The following TRPC7 variants were observed in gnomAD, a reference collection of about 807,000 sequenced individuals.
The protein encoded by TRPC7 is transient receptor potential cation channel subfamily C member 7.
In TRPC7, 42 loss-of-function variants were observed where a neutral mutation model predicts 90.1. The observed-to-expected ratio is 0.47, with a 90% CI of 0.36 to 0.60. The LOEUF (loss-of-function observed/expected upper bound fraction) is 0.60. Ranked by LOEUF, TRPC7 falls within the 20% of genes least tolerant of loss-of-function variation. TRPC7 has a pLI of 0.00. For missense variants in TRPC7, 955 were observed against 1,112.3 expected (o/e 0.86, Z 2.01); for synonymous variants, 451 against 436.3 (o/e 1.03, Z -0.42).
intron 6 of TRPC7, among the ~76,000 whole-genome samples, chr5:136,248,674 T>G (rs1373644746): frequency 6.6e-6 from 1 of 152,206 alleles, no homozygotes; most frequent in African/African-American, 2.4e-5. Flanking sequence ...GGACTGATCC[T>G]GAGCTGGGAA....
chr5:136,340,679 A>G (rs1442782576), intron 2 of TRPC7, among the ~76,000 whole-genome samples: 1 of 152,142 alleles, frequency 6.6e-6, no homozygotes, highest in South Asian at 2.1e-4. Flanking sequence ...ATTTGAATAA[A>G]TTTTCCGTTC....
chr5:136,340,109 A>G (rs956085397), intron 2 of TRPC7, among the ~76,000 whole-genome samples: 4 of 152,240 alleles, frequency 2.6e-5, no homozygotes, highest in African/African-American at 9.6e-5. Context: ...AAAATGTGGT[A>G]TATATACACA....
At chr5:136,218,026 A>G (rs1004185846) in intron 10 of TRPC7, among the ~76,000 whole-genome samples, 7 of 145,492 alleles carry the variant, frequency 4.8e-5, no homozygotes, top group African/African-American at 1.7e-4. Flanking sequence ...TCAAAAAAAA[A>G]AAAAAGAAAA....
At chr5:136,336,621 T>TCTAATATAAAATA (rs1411955641) in intron 2 of TRPC7, among the ~76,000 whole-genome samples, 1 of 152,076 alleles carries the variant, frequency 6.6e-6, no homozygotes, top group Admixed American at 6.5e-5. Flanking sequence ...TAACTCATCA[T>TCTAATATAAAATA]TTATATTAGA....
intron 2 of TRPC7, among the ~76,000 whole-genome samples, chr5:136,334,179 A>G (rs1046172844): frequency 1.3e-5 from 2 of 152,218 alleles, no homozygotes; most frequent in Non-Finnish European, 2.9e-5. Flanking sequence ...ATCATCAGAT[A>G]ACATGCCCTT....
intron 2 of TRPC7, among the ~76,000 whole-genome samples, chr5:136,353,158 C>T (rs1425158799): frequency 6.6e-6 from 1 of 152,116 alleles, no homozygotes; most frequent in African/African-American, 2.4e-5. Flanking sequence ...ACATGATTTC[C>T]ACACCAAAAA....
intron 5 of TRPC7, among the ~76,000 whole-genome samples, chr5:136,258,946 A>G (rs1261967681): frequency 6.6e-6 from 1 of 152,204 alleles, no homozygotes; most frequent in East Asian, 1.9e-4. Context: ...ACATCAAAAC[A>G]CTATCTCAAC....
chr5:136,216,121 A>T (rs1580828078), intron 11 of TRPC7, 79 bp downstream of exon 11: 3 of 1,196,336 alleles, frequency 2.5e-6, no homozygotes, highest in Non-Finnish European at 2.4e-6. Flanking sequence ...CCCTGACAAC[A>T]CTGTGGCCGT....
At chr5:136,236,116 C>T (rs1463925978) in intron 7 of TRPC7, among the ~76,000 whole-genome samples, 1 of 152,238 alleles carries the variant, frequency 6.6e-6, no homozygotes, top group Non-Finnish European at 1.5e-5. Flanking sequence ...ATTTATTGAA[C>T]TATGTGCCAG....
At chr5:136,291,608 T>A (rs1334671469) in intron 3 of TRPC7, among the ~76,000 whole-genome samples, 1 of 152,162 alleles carries the variant, frequency 6.6e-6, no homozygotes, top group Non-Finnish European at 1.5e-5. Flanking sequence ...TAAATATATA[T>A]GCACCCAATA....
intron 8 of TRPC7, among the ~76,000 whole-genome samples, chr5:136,229,853 C>A (rs997809380): frequency 6.6e-6 from 1 of 151,850 alleles, no homozygotes; most frequent in Non-Finnish European, 1.5e-5. Context: ...CATTTCAGAT[C>A]TTCTCTCCTT....
chr5:136,327,526 G>C (rs1158314716), intron 2 of TRPC7, among the ~76,000 whole-genome samples: 2 of 152,136 alleles, frequency 1.3e-5, no homozygotes, highest in African/African-American at 4.8e-5. Context: ...TTGCTGAGGA[G>C]GGACTGTGAC....
chr5:136,297,758 T>G (rs990026797), intron 3 of TRPC7, among the ~76,000 whole-genome samples: 2 of 152,198 alleles, frequency 1.3e-5, no homozygotes, highest in Admixed American at 1.3e-4. Flanking sequence ...ACGGACTCAG[T>G]GACAATAGTC....
chr5:136,220,300 C>T (rs1317226340), intron 10 of TRPC7, among the ~76,000 whole-genome samples: 3 of 152,202 alleles, frequency 2.0e-5, no homozygotes, highest in Non-Finnish European at 2.9e-5. Flanking sequence ...TTTCTTCTTG[C>T]AGAGAGTCTA....
intron 3 of TRPC7, among the ~76,000 whole-genome samples, chr5:136,313,960 G>A (rs1421758047): frequency 2.6e-5 from 4 of 152,198 alleles, no homozygotes; most frequent in Non-Finnish European, 5.9e-5. Context: ...TAGTTATCAG[G>A]TGGGGGCCAG....
chr5:136,234,997 A>AT (rs1214786043), intron 7 of TRPC7, among the ~76,000 whole-genome samples: 4 of 152,324 alleles, frequency 2.6e-5, no homozygotes, highest in Admixed American at 2.0e-4. Flanking sequence ...TAAAAAAAAA[A>AT]TTCATGGTAA....
chr5:136,305,388 C>G (rs1256519696), intron 3 of TRPC7, among the ~76,000 whole-genome samples: 1 of 152,188 alleles, frequency 6.6e-6, no homozygotes. Flanking sequence ...CCTCTCATTT[C>G]CTTTCCATTG....
chr5:136,319,461 CTT>C (rs564588409), intron 2 of TRPC7, among the ~76,000 whole-genome samples: 166 of 152,276 alleles, frequency 1.1e-3, no homozygotes, highest in African/African-American at 3.9e-3. Context: ...TGTTGTTTCT[CTT>C]GTTTTAAAAA....
In TRPC7 at chr5:136,213,220, C is replaced by A. The variant is rs1755149997; in HGVS notation, c.*215G>T. On this transcript the variant is annotated 3_prime_UTR_variant, in exon 12 of 12. Coordinates refer to ENST00000513104, the MANE Select transcript of TRPC7 (RefSeq NM_020389.3). ...TGTTCCTCCCCTCCTCCCATGGTAG[C>A]TTTTCTTACCCAACCACCTAGATTC... The A allele has an allele frequency of 1.8e-6, 1 of 564,570 alleles. No homozygotes were observed. The allele number at this position is 564,570 out of a possible 1,614,324, so 35.0% of individuals were successfully genotyped here. A position where few individuals can be genotyped will look rare whatever the true frequency, so the allele number is the denominator to read the frequency against.
Sources: gnomAD v4.1 joint callset for allele counts (sites outside exome capture counted in the v4.1 genomes callset) on GRCh38, gnomAD v4.1.1 for gene constraint, MANE v1.5 for transcripts, NCBI Gene and HGNC (gene_info 2026-07-23, HGNC 2026-07-21) for gene names.